The following SIPA1L2 variants were observed in gnomAD, a reference collection of about 807,000 sequenced individuals.
The protein encoded by SIPA1L2 is signal induced proliferation associated 1 like 2.
SIPA1L2 carries 56 observed loss-of-function variants against 163.9 expected under a neutral mutation model. The ratio of observed to expected loss-of-function variants is 0.34; its 90% CI spans 0.28 to 0.43. The LOEUF is 0.43. Ranked by LOEUF, SIPA1L2 falls within the 20% of genes least tolerant of loss-of-function variation. The pLI is 1.00. For synonymous variants in SIPA1L2, 877 were observed against 865.7 expected, an observed-to-expected ratio of 1.01 and a Z score of -0.23; for missense variants, 1,974 against 2,193.5, an observed-to-expected ratio of 0.90 and a Z score of 2.00.
intron 1 of SIPA1L2, among the ~76,000 whole-genome samples, chr1:232,626,414 C>G (rs1045236771): frequency 6.6e-6 from 1 of 151,976 alleles, no homozygotes; most frequent in Non-Finnish European, 1.5e-5. Context: ...AAGAACGAAC[C>G]AAGGAATTGG....
chr1:232,602,640 G>T (rs1661664587), intron 1 of SIPA1L2, among the ~76,000 whole-genome samples: 1 of 146,126 alleles, frequency 6.8e-6, no homozygotes, highest in African/African-American at 2.5e-5. Flanking sequence ...CCCTCAGAAG[G>T]TTATTTAAGC....
intron 2 of SIPA1L2, among the ~76,000 whole-genome samples, chr1:232,554,557 G>A (rs1399903894): frequency 1.3e-5 from 2 of 149,488 alleles, no homozygotes; most frequent in African/African-American, 4.8e-5. Context: ...TTTCCCTTCA[G>A]TTTGCTTTTG....
intron 3 of SIPA1L2, among the ~76,000 whole-genome samples, chr1:232,501,114 G>A (rs1666457564): frequency 1.4e-5 from 2 of 138,762 alleles, no homozygotes; most frequent in Non-Finnish European, 3.0e-5. Context: ...CTGGAGTGCA[G>A]TGGCGCAATC....
At chr1:232,569,376 A>G (rs767012875) in intron 2 of SIPA1L2, among the ~76,000 whole-genome samples, 1 of 152,236 alleles carries the variant, frequency 6.6e-6, no homozygotes, top group Non-Finnish European at 1.5e-5. Flanking sequence ...TGTTCTTGAC[A>G]ACCCAATCCT....
intron 7 of SIPA1L2, among the ~76,000 whole-genome samples, chr1:232,475,127 C>T (rs985632799): frequency 1.3e-5 from 2 of 152,150 alleles, no homozygotes; most frequent in Non-Finnish European, 2.9e-5. Flanking sequence ...CAGTCCTGGT[C>T]CTTGAGTTTG....
At chr1:232,401,672 T>A (rs1660349302) in intron 22 of SIPA1L2, among the ~76,000 whole-genome samples, 1 of 152,202 alleles carries the variant, frequency 6.6e-6, no homozygotes, top group Admixed American at 6.5e-5. Context: ...TGTGACTAGA[T>A]CAGAACTCCA....
intron 1 of SIPA1L2, among the ~76,000 whole-genome samples, chr1:232,588,015 T>A (rs376269549): frequency 6.6e-6 from 1 of 152,142 alleles, no homozygotes; most frequent in East Asian, 1.9e-4. Context: ...AACTGCCCAG[T>A]CTCGGGTATG....
intron 1 of SIPA1L2, among the ~76,000 whole-genome samples, chr1:232,597,803 C>T (rs1186438189): frequency 6.6e-6 from 1 of 151,612 alleles, no homozygotes; most frequent in Non-Finnish European, 1.5e-5. Flanking sequence ...CCTGTAGTGA[C>T]AGTGGAGACC....
chr1:232,461,587 G>A (rs1420823092), intron 9 of SIPA1L2, among the ~76,000 whole-genome samples: 1 of 152,054 alleles, frequency 6.6e-6, no homozygotes, highest in Non-Finnish European at 1.5e-5. Context: ...TTTTTGCAAT[G>A]GAAAACCTGT....
Position 232,398,894 on chromosome 1 carries a change from T to G in SIPA1L2, c.*233A>C. ...GTCTCAACTGTCGCCAGGGTTTACA[T>G]TCATCTTCACACCAGGAGTTACATT... On this transcript the variant is annotated 3_prime_UTR_variant, in exon 23 of 23. Transcript: ENST00000674635. 1.9e-6 allele frequency: 1 copy of G among 518,662 alleles called. No homozygotes were observed. The highest frequency in any genetic ancestry group is 3.4e-6 in the Non-Finnish European group (1 of 294,776). 32.1% of individuals were successfully genotyped at this position (518,662 alleles called of 1,614,324 possible).
chr1:232,468,791 A>G (rs1558201498), intron 8 of SIPA1L2, among the ~76,000 whole-genome samples: 1 of 152,238 alleles, frequency 6.6e-6, no homozygotes, highest in Non-Finnish European at 1.5e-5. Flanking sequence ...AGCATTTTGC[A>G]GAGAGTTTAT....
Position 232,399,020 on chromosome 1 carries a change from G to T in SIPA1L2, c.*107C>A. 1.3e-6 allele frequency: 2 copies of T among 1,491,098 alleles called. No individual in the cohort carries two copies. The highest frequency in any genetic ancestry group is 1.8e-6 in the Non-Finnish European group (2 of 1,098,980). The allele number at this position is 1,491,098 out of a possible 1,614,324, so 92.4% of individuals were successfully genotyped here. A position where few individuals can be genotyped will look rare whatever the true frequency, so the allele number is the denominator to read the frequency against. ...GAATGGTGCTACACAGAATGGAACAGCAAAAACATCTACGATTGGTTGAAA... is the reference window on the plus strand; with the variant it reads ...GAATGGTGCTACACAGAATGGAACATCAAAAACATCTACGATTGGTTGAAA... On this transcript the variant is annotated 3_prime_UTR_variant, in exon 23 of 23. Transcript: ENST00000674635.
chr1:232,547,135 T>G (rs1271741713), intron 2 of SIPA1L2, among the ~76,000 whole-genome samples: 2 of 152,166 alleles, frequency 1.3e-5, no homozygotes, highest in African/African-American at 2.4e-5. Context: ...GGAGAAAACT[T>G]TTCACTGGCT....
chr1:232,572,734 CATACATATATATATATATATATATAT>C (rs1659833971), intron 2 of SIPA1L2, among the ~76,000 whole-genome samples: 29 of 67,334 alleles, frequency 4.3e-4, no homozygotes, highest in Admixed American at 1.1e-3. Context: ...TATATACATA[CATACATATATATATATATATATATAT>C]ATATATATAT....
intron 2 of SIPA1L2, among the ~76,000 whole-genome samples, chr1:232,525,525 G>A (rs1470387129): frequency 6.6e-6 from 1 of 151,652 alleles, no homozygotes; most frequent in East Asian, 1.9e-4. Context: ...CAAAGTGCTG[G>A]GATTACAGGC....
rs1572840989 is a variant in SIPA1L2, at chr1:232,400,399, C to T, written c.5023-1126G>A. ...TGGATTCTGCCAAGAAGACCTTGTGCACGCTCAGTCTCTCCTGAAATTCCT... is the reference window on the plus strand; with the variant it reads ...TGGATTCTGCCAAGAAGACCTTGTGTACGCTCAGTCTCTCCTGAAATTCCT... On this transcript the variant is annotated intron_variant, in intron 22 of 22. Transcript: ENST00000674635. 3.9e-5 allele frequency among the ~76,000 whole-genome samples: 6 copies of T among 152,278 alleles called. No homozygotes were observed. In the South Asian group the frequency reaches 1.0e-3, roughly 26 times the overall value.
chr1:232,487,891 C>T (rs555812771), intron 5 of SIPA1L2, among the ~76,000 whole-genome samples: 11 of 150,318 alleles, frequency 7.3e-5, no homozygotes, highest in Middle Eastern at 3.4e-3. Flanking sequence ...TACAAAAGAG[C>T]GGAAACTAAC....
chr1:232,610,327 C>T (rs1259944394), intron 1 of SIPA1L2, among the ~76,000 whole-genome samples: 1 of 152,070 alleles, frequency 6.6e-6, no homozygotes, highest in African/African-American at 2.4e-5. Flanking sequence ...TGGATGGGAA[C>T]AAGTCACTGG....
At position 232,426,486 on chromosome 1, in the gene SIPA1L2, C is replaced by T. The variant is rs549900454; in HGVS notation, c.4411-678G>A. On this transcript the variant is annotated intron_variant, in intron 17 of 22. Transcript: ENST00000674635. ...CCATTCTGGCTAACATGGTAAAACC[C>T]TGTCTCCACTAAAAATACAAAAAAT... 1.1e-4 allele frequency among the ~76,000 whole-genome samples: 16 copies of T among 152,260 alleles called. 1 individual carries two copies. In the South Asian group the frequency reaches 1.7e-3, roughly 16 times the overall value.
Sources: allele counts gnomAD v4.1 joint callset (sites outside exome capture counted in the v4.1 genomes callset), GRCh38; gene constraint gnomAD v4.1.1; transcripts MANE v1.5; gene names NCBI Gene and HGNC (gene_info 2026-07-23, HGNC 2026-07-21).